PRKCE: variants seen among roughly 807,000 people sequenced by gnomAD.
The protein encoded by PRKCE is protein kinase C epsilon type.
Under a neutral mutation model 85.4 loss-of-function variants are expected in PRKCE, and 16 were observed. The observed-to-expected ratio is 0.19, with a 90% confidence interval of 0.13 to 0.28. The LOEUF (loss-of-function observed/expected upper bound fraction) is 0.28. PRKCE is among the 10% of genes least tolerant of loss of function. The pLI, the probability that PRKCE is intolerant of heterozygous loss-of-function variation, is 1.00. For synonymous variants in PRKCE, 388 were observed against 371.5 expected (o/e 1.04, Z -0.51); for missense variants, 573 against 975.2 (o/e 0.59, Z 5.49).
At chr2:45,859,053 T>C (rs1692927365) in intron 2 of PRKCE, among the ~76,000 whole-genome samples, 1 of 131,412 alleles carries the variant, frequency 7.6e-6, no homozygotes, top group Non-Finnish European at 1.6e-5. Context: ...AATAAATAAA[T>C]AAATAAATAA....
At position 45,798,561 on chromosome 2, in the gene PRKCE, T is replaced by C. The variant is rs865775157; in HGVS notation, c.349-44439T>C. ...AGCCTCCCAGCTTGACAAATATACC[T>C]TCAGAATGACAAAATTTAAAAAGTG... On this transcript the variant is annotated intron_variant, in intron 1 of 14. Transcript: ENST00000306156. Among the ~76,000 whole-genome samples, 3 of 152,212 alleles carry C rather than the reference T, an allele frequency of 2.0e-5. No homozygotes were observed. The South Asian group carries it at 6.2e-4, about 32-fold the overall frequency.
intron 2 of PRKCE, among the ~76,000 whole-genome samples, chr2:45,929,518 C>T (rs1698877704): frequency 6.6e-6 from 1 of 152,016 alleles, no homozygotes; most frequent in Non-Finnish European, 1.5e-5. Flanking sequence ...GTTGCCCCTT[C>T]AGGGTAGAAG....
At chr2:45,658,112 G>A (rs1675464010) in intron 1 of PRKCE, among the ~76,000 whole-genome samples, 2 of 152,114 alleles carry the variant, frequency 1.3e-5, no homozygotes, top group African/African-American at 4.8e-5. Flanking sequence ...CTACTAAGGG[G>A]GTAAGGAGGT....
At chr2:46,026,206 C>T (rs2104913602) in intron 10 of PRKCE, among the ~76,000 whole-genome samples, 1 of 152,286 alleles carries the variant, frequency 6.6e-6, no homozygotes, top group East Asian at 1.9e-4. Context: ...GTAAAAAGCG[C>T]AGTCTAAGCA....
chr2:45,934,954 G>A (rs368077824), intron 2 of PRKCE, among the ~76,000 whole-genome samples: 1 of 151,652 alleles, frequency 6.6e-6, no homozygotes, highest in Non-Finnish European at 1.5e-5. Context: ...CCAGCTACTT[G>A]TGAGGCTGAG....
chr2:46,174,707 G>T lies in PRKCE; in HGVS notation c.2068-10028G>T, dbSNP rs560125345. On this transcript the variant is annotated intron_variant, in intron 14 of 14. Transcript: ENST00000306156. The stretch of plus-strand genomic sequence containing the variant: ...GATATGATGCTTTTTAATTTTTTTT[G>T]AGATAAGATCTGGCACTGTCACCCA... 2.5e-4 allele frequency among the ~76,000 whole-genome samples: 38 copies of T among 152,058 alleles called. 1 individual carries two copies. The highest frequency in any genetic ancestry group is 8.7e-4 in the African/African-American group (36 of 41,470).
At chr2:45,860,681 CAGA>C (rs911190134) in intron 2 of PRKCE, among the ~76,000 whole-genome samples, 5 of 152,246 alleles carry the variant, frequency 3.3e-5, no homozygotes, top group East Asian at 3.9e-4. Context: ...GTGAGGACAG[CAGA>C]AGATGTTCAC....
intron 10 of PRKCE, among the ~76,000 whole-genome samples, chr2:46,054,386 G>C (rs1319824888): frequency 6.6e-6 from 1 of 152,194 alleles, no homozygotes; most frequent in Non-Finnish European, 1.5e-5. Flanking sequence ...TATGCAGGAA[G>C]TTAAGCATCA....
At chr2:45,684,604 C>G (rs571007927) in intron 1 of PRKCE, among the ~76,000 whole-genome samples, 1 of 152,290 alleles carries the variant, frequency 6.6e-6, no homozygotes, top group South Asian at 2.1e-4. Context: ...TTACAACCCC[C>G]TAGTGGCATG....
chr2:45,969,832 G>A (rs1242694808), intron 2 of PRKCE, among the ~76,000 whole-genome samples: 1 of 152,184 alleles, frequency 6.6e-6, no homozygotes, highest in Non-Finnish European at 1.5e-5. Context: ...ACATTGGGGT[G>A]TATTATTGTT....
At chr2:45,825,027 T>A (rs764809475) in intron 1 of PRKCE, among the ~76,000 whole-genome samples, 2 of 152,174 alleles carry the variant, frequency 1.3e-5, no homozygotes, top group Non-Finnish European at 2.9e-5. Context: ...GTACATGGAT[T>A]GAGAAATGAG....
chr2:46,136,966 A>G (rs571985706), intron 11 of PRKCE, among the ~76,000 whole-genome samples: 3 of 152,314 alleles, frequency 2.0e-5, no homozygotes, highest in African/African-American at 7.2e-5. Flanking sequence ...CACATAAAAG[A>G]CCTTAAGTAT....
chr2:45,780,635 C>T (rs1686108207), intron 1 of PRKCE, among the ~76,000 whole-genome samples: 3 of 152,324 alleles, frequency 2.0e-5, no homozygotes, highest in Non-Finnish European at 4.4e-5. Context: ...GCACCCCAAA[C>T]CTCTGTAGGG....
At chr2:46,008,831 A>G (rs1308988158) in intron 9 of PRKCE, among the ~76,000 whole-genome samples, 2 of 152,270 alleles carry the variant, frequency 1.3e-5, no homozygotes, top group African/African-American at 4.8e-5. Flanking sequence ...CTAGGTTTTC[A>G]TATAGTGTAG....
rs935684824 is a variant in PRKCE, at chr2:45,990,662, T to C, written c.823+5982T>C. Among the ~76,000 whole-genome samples, 28 of 151,998 alleles carry C rather than the reference T, an allele frequency of 1.8e-4. 1 individual carries two copies. In the Middle Eastern group the frequency reaches 0.014, roughly 74 times the overall value. ...TCTAATATTCTAAATTACTTTCTTTTTTTTTTTTTTGAGATGGAGTCTCGC... is the reference window on the plus strand; with the variant it reads ...TCTAATATTCTAAATTACTTTCTTTCTTTTTTTTTTGAGATGGAGTCTCGC... On this transcript the variant is annotated intron_variant, in intron 6 of 14. Transcript: ENST00000306156.
intron 6 of PRKCE, among the ~76,000 whole-genome samples, chr2:45,992,410 C>G (rs1703876096): frequency 6.6e-6 from 1 of 152,180 alleles, no homozygotes; most frequent in Admixed American, 6.5e-5. Flanking sequence ...TGACATTTGG[C>G]CCAGCATGAC....
intron 1 of PRKCE, among the ~76,000 whole-genome samples, chr2:45,775,022 G>A (rs759980482): frequency 1.3e-5 from 2 of 152,248 alleles, no homozygotes; most frequent in East Asian, 1.9e-4. Context: ...TCTGCCTTCT[G>A]GATGATCTCC....
intron 1 of PRKCE, among the ~76,000 whole-genome samples, chr2:45,765,466 G>A (rs773374511): frequency 6.6e-6 from 1 of 152,152 alleles, no homozygotes; most frequent in African/African-American, 2.4e-5. Context: ...GTTTGGCCTC[G>A]TTCTCAAATT....
intron 1 of PRKCE, chr2:45,686,205 A>G (rs183598821): frequency 6.6e-6 from 1 of 152,286 alleles, no homozygotes; most frequent in Admixed American, 6.5e-5. Flanking sequence ...TTCCTTCTTT[A>G]TAATTTTCCT....
Sources: allele counts gnomAD v4.1 joint callset (sites outside exome capture counted in the v4.1 genomes callset), GRCh38; gene constraint gnomAD v4.1.1; transcripts MANE v1.5; gene names NCBI Gene and HGNC (gene_info 2026-07-23, HGNC 2026-07-21).